The following CDH20 variants were observed in gnomAD, a reference collection of about 807,000 sequenced individuals.
CDH20 encodes cadherin-20.
A neutral mutation model predicts 74.2 loss-of-function variants in CDH20; 29 were observed. The observed-to-expected ratio is 0.39, with a 90% CI of 0.29 to 0.53. CDH20 has a LOEUF of 0.53. Among genes scored for constraint, CDH20 ranks in the 20% least tolerant of loss-of-function variants. The pLI is 0.69. For synonymous variants in CDH20, 469 were observed against 405.4 expected (o/e 1.16, Z -1.88); for missense variants, 988 against 1,048.3 (o/e 0.94, Z 0.79).
In CDH20 at chr18:61,554,515, C is replaced by T. The variant is rs765516266; in HGVS notation, c.2226C>T (p.Phe742=). The T allele has an allele frequency of 6.2e-7, 1 of 1,612,770 alleles. No individual in the cohort carries two copies. The highest frequency in any genetic ancestry group is 2.2e-5 in the East Asian group (1 of 44,878). The change falls in exon 12 of 12, where the codon TTC becomes TTT. Residue 742 remains phenylalanine (F), a synonymous_variant. Transcript: ENST00000262717. ...EADMDLWAPP[F]DSLQTYMFEG... is the part of the protein sequence containing the mutation. ...ACATGGACCTGTGGGCACCGCCCTT[C>T]GACTCCCTCCAGACGTATATGTTCG...
chr18:61,381,516 G>A (rs894643421), intron 1 of CDH20, among the ~76,000 whole-genome samples: 3 of 152,168 alleles, frequency 2.0e-5, no homozygotes, highest in Non-Finnish European at 4.4e-5. Flanking sequence ...TCTTTGAATA[G>A]AGAGGTACCA....
intron 6 of CDH20, among the ~76,000 whole-genome samples, chr18:61,514,547 C>A (rs1911913462): frequency 6.6e-6 from 1 of 151,910 alleles, no homozygotes; most frequent in South Asian, 2.1e-4. Context: ...TGGTGAGGAA[C>A]TGCGTTCCTT....
intron 1 of CDH20, among the ~76,000 whole-genome samples, chr18:61,365,155 T>C (rs1389995368): frequency 2.0e-5 from 3 of 152,178 alleles, no homozygotes; most frequent in Admixed American, 2.0e-4. Flanking sequence ...CTACTTTGCT[T>C]CACACAGAGG....
chr18:61,379,688 T>C (rs1911367159), intron 1 of CDH20, among the ~76,000 whole-genome samples: 1 of 152,202 alleles, frequency 6.6e-6, no homozygotes, highest in Admixed American at 6.5e-5. Context: ...TGCAAAACTA[T>C]GGGCTTGATA....
intron 1 of CDH20, among the ~76,000 whole-genome samples, chr18:61,385,361 A>G (rs948356297): frequency 6.6e-6 from 1 of 152,138 alleles, no homozygotes; most frequent in Admixed American, 6.5e-5. Context: ...TAAAATACAA[A>G]TAAATATCCA....
chr18:61,545,531 A>G (rs1913217663), intron 10 of CDH20, among the ~76,000 whole-genome samples: 2 of 152,200 alleles, frequency 1.3e-5, no homozygotes, highest in African/African-American at 4.8e-5. Context: ...TGCCAGAAAC[A>G]CTGCAAAGCA....
chr18:61,412,408 A>G (rs1912543942), intron 1 of CDH20, among the ~76,000 whole-genome samples: 1 of 152,182 alleles, frequency 6.6e-6, no homozygotes, highest in African/African-American at 2.4e-5. Flanking sequence ...TTTTAACAAC[A>G]ATTTGGAAAT....
chr18:61,523,310 A>C (rs906175358), intron 6 of CDH20, among the ~76,000 whole-genome samples: 2 of 152,200 alleles, frequency 1.3e-5, no homozygotes, highest in South Asian at 2.1e-4. Context: ...AACAAACATG[A>C]AAAATAGCTC....
chr18:61,514,047 G>A (rs536196454), intron 6 of CDH20, among the ~76,000 whole-genome samples: 20 of 152,222 alleles, frequency 1.3e-4, no homozygotes, highest in African/African-American at 4.8e-4. Context: ...ACATTGGCCT[G>A]CCTTGCTAGA....
chr18:61,393,444 C>T (rs1398552214), intron 1 of CDH20, among the ~76,000 whole-genome samples: 1 of 152,198 alleles, frequency 6.6e-6, no homozygotes, highest in African/African-American at 2.4e-5. Context: ...CCAGCCGTTT[C>T]TCCCAGGTAG....
At chr18:61,336,432 A>C (rs1909763833) in intron 1 of CDH20, among the ~76,000 whole-genome samples, 1 of 152,170 alleles carries the variant, frequency 6.6e-6, no homozygotes, top group Non-Finnish European at 1.5e-5. Flanking sequence ...ACCCTTATAC[A>C]TTTGTAAATA....
chr18:61,344,051 T>G (rs534094701), intron 1 of CDH20, among the ~76,000 whole-genome samples: 4 of 152,280 alleles, frequency 2.6e-5, no homozygotes, highest in African/African-American at 9.6e-5. Flanking sequence ...CTGTGGTGCA[T>G]GTGAACTCTT....
intron 1 of CDH20, among the ~76,000 whole-genome samples, chr18:61,377,510 G>C (rs557081752): frequency 2.6e-5 from 4 of 151,736 alleles, no homozygotes; most frequent in Admixed American, 2.0e-4. Flanking sequence ...TGTCCACCGA[G>C]AGCCCAATCC....
chr18:61,474,283 G>C (rs756717887), intron 1 of CDH20, among the ~76,000 whole-genome samples: 32 of 152,114 alleles, frequency 2.1e-4, no homozygotes, highest in Non-Finnish European at 4.0e-4. Flanking sequence ...CCCTGTTCCT[G>C]GTTCCTAAAG....
In CDH20 at chr18:61,515,563, A is replaced by G. The variant is rs181914406; in HGVS notation, c.1017+8003A>G. Among the ~76,000 whole-genome samples the G allele has an allele frequency of 8.7e-3, 1,327 of 152,048 alleles. 21 individuals carry two copies. Among genetic ancestry groups the G allele is most frequent in the South Asian group, 0.062 (296 of 4,802 alleles). Reference sequence around the variant, plus strand: ...AACAATGATAGACTGGATTAAGAAAATGTGGCACATATACACCATGGAATA... The same window carrying G: ...AACAATGATAGACTGGATTAAGAAAGTGTGGCACATATACACCATGGAATA... On this transcript the variant is annotated intron_variant, in intron 6 of 11. Transcript: ENST00000262717.
intron 1 of CDH20, among the ~76,000 whole-genome samples, chr18:61,408,222 A>G (rs538086161): frequency 6.6e-6 from 1 of 152,298 alleles, no homozygotes; most frequent in Non-Finnish European, 1.5e-5. Context: ...AATGCAGGAA[A>G]TAAGAGTTTG....
chr18:61,335,496 C>A (rs1470862277), intron 1 of CDH20, among the ~76,000 whole-genome samples: 2 of 152,174 alleles, frequency 1.3e-5, no homozygotes, highest in African/African-American at 4.8e-5. Flanking sequence ...AAAAAAGAGA[C>A]AAATGAAGAG....
In CDH20 at chr18:61,490,599, C is replaced by T; in HGVS notation, c.46C>T (p.Leu16Phe). 2 of 1,614,148 alleles carry T rather than the reference C, an allele frequency of 1.2e-6. No homozygotes were observed. Among genetic ancestry groups the T allele is most frequent in the Non-Finnish European group, 1.7e-6 (2 of 1,180,008 alleles). ...RMSNAKNWLG[L>F]GMSLYFWGLM... is the part of the protein sequence containing the mutation. ...GAGCAATGCAAAGAACTGGCTTGGACTTGGCATGTCCTTGTACTTCTGGGG... is the reference window on the plus strand; with the variant it reads ...GAGCAATGCAAAGAACTGGCTTGGATTTGGCATGTCCTTGTACTTCTGGGG... Residue 16 changes from leucine to phenylalanine, a missense_variant, in exon 2 of 12, where the codon CTT becomes TTT. Around this residue, in one of 2 missense-constraint regions of CDH20, gnomAD observed 613 missense variants for 755.2 expected, o/e 0.81. Coordinates refer to ENST00000262717, the MANE Select transcript of CDH20 (RefSeq NM_031891.4).
At chr18:61,464,604 G>C (rs1909900424) in intron 1 of CDH20, among the ~76,000 whole-genome samples, 1 of 152,174 alleles carries the variant, frequency 6.6e-6, no homozygotes, top group African/African-American at 2.4e-5. Context: ...CAGCAGGGTA[G>C]AGCTTGCTGC....
Sources: allele counts gnomAD v4.1 joint callset (sites outside exome capture counted in the v4.1 genomes callset), GRCh38; gene constraint gnomAD v4.1.1; regional missense constraint gnomAD v4.1.1; transcripts MANE v1.5; gene names NCBI Gene and HGNC (gene_info 2026-07-23, HGNC 2026-07-21).